SV2B: variants seen among roughly 807,000 people sequenced by gnomAD.
SV2B encodes the protein synaptic vesicle glycoprotein 2B, also known as solute carrier family 22 member B2.
SV2B carries 41 observed loss-of-function variants against 73.9 expected under a neutral mutation model. The observed-to-expected ratio is 0.56, with a 90% confidence interval of 0.43 to 0.72. The LOEUF is 0.72. Ranked by LOEUF, SV2B falls within the 30% of genes least tolerant of loss-of-function variation. The pLI is 0.00. For missense variants in SV2B, 764 were observed against 857.8 expected (o/e 0.89, Z 1.37); for synonymous variants, 314 against 314.2 (o/e 1.00, Z 0.01).
chr15:91,277,787 A>C (rs1053893671), intron 9 of SV2B, among the ~76,000 whole-genome samples: 5 of 152,206 alleles, frequency 3.3e-5, no homozygotes, highest in African/African-American at 9.7e-5. Flanking sequence ...CTATATTTAT[A>C]TATGAATTTG....
At chr15:91,165,723 A>G (rs1474503222) in intron 1 of SV2B, among the ~76,000 whole-genome samples, 1 of 152,248 alleles carries the variant, frequency 6.6e-6, no homozygotes, top group Non-Finnish European at 1.5e-5. Flanking sequence ...TCTTCTGCTT[A>G]TAGCCCAAGT....
rs1425860644 is a variant in SV2B at position 91,290,760 on chromosome 15, C to T, written c.1868+1080C>T. Among the ~76,000 whole-genome samples the T allele has an allele frequency of 6.6e-6, 1 of 152,080 alleles. No individual in the cohort carries two copies. Among genetic ancestry groups the T allele is most frequent in the Non-Finnish European group, 1.5e-5 (1 of 68,020 alleles). On this transcript the variant is annotated intron_variant, in intron 12 of 12. Transcript: ENST00000394232. This position sits in a 1 kb window ranked among gnomAD's most constrained non-coding sequence, Gnocchi z 4.7. Reference sequence around the variant, plus strand: ...AAGAGAAGATAAATATATGCCAACTCAGTGATTTGGGAGGCCGAGGCAAAA... The same window carrying T: ...AAGAGAAGATAAATATATGCCAACTTAGTGATTTGGGAGGCCGAGGCAAAA...
chr15:91,219,518 G>A (rs1379986858), intron 1 of SV2B, among the ~76,000 whole-genome samples: 1 of 152,096 alleles, frequency 6.6e-6, no homozygotes, highest in African/African-American at 2.4e-5. Context: ...TATATTCCAT[G>A]GATGTTAATG....
rs866763941 is a variant in SV2B, at chr15:91,176,019, C to G, written c.-391-49854C>G. Among the ~76,000 whole-genome samples, 15 of 151,974 alleles carry G rather than the reference C, an allele frequency of 9.9e-5. 1 individual carries two copies. The South Asian group carries it at 2.5e-3, about 25-fold the overall frequency. ...TTGTCATTTAGCATTAGGTATATCT[C>G]CTAATGCTATCCCTCCCCCTTCCCC... On this transcript the variant is annotated intron_variant, in intron 1 of 12. Coordinates refer to ENST00000394232, the MANE Select transcript of SV2B (RefSeq NM_001323032.3).
At chr15:91,202,242 C>T (rs2045486225) in intron 1 of SV2B, among the ~76,000 whole-genome samples, 2 of 152,176 alleles carry the variant, frequency 1.3e-5, no homozygotes, top group Non-Finnish European at 2.9e-5. Flanking sequence ...ATTTCCTGCC[C>T]TCTCTCCACT....
chr15:91,122,145 T>C lies in SV2B; in HGVS notation c.-392+21782T>C, dbSNP rs1335594956. Among the ~76,000 whole-genome samples, 1 of 152,212 alleles carries C rather than the reference T, an allele frequency of 6.6e-6. No homozygotes were observed. Among genetic ancestry groups the C allele is most frequent in the Non-Finnish European group, 1.5e-5 (1 of 68,040 alleles). Reference sequence around the variant, plus strand: ...GACGCCAAAGACTGAACTCCCAATATGTGCTAAACCATCTCCTCTTTGGAC... The same window carrying C: ...GACGCCAAAGACTGAACTCCCAATACGTGCTAAACCATCTCCTCTTTGGAC... On this transcript the variant is annotated intron_variant, in intron 1 of 12. Coordinates refer to ENST00000394232, the MANE Select transcript of SV2B (RefSeq NM_001323032.3). This position sits in a 1 kb window ranked among gnomAD's most constrained non-coding sequence, Gnocchi z 4.3.
Position 91,289,605 on chromosome 15 carries a change from T to C in SV2B, c.1793T>C (p.Leu598Pro), listed in dbSNP as rs1162182421. The stretch of plus-strand genomic sequence containing the variant: ...TCTGCAATGATCGGCTGGCAGTGCC[T>C]GTTCTGTGGGACAAGCATTGCAGCC... ...SESAMIGWQC[L>P]FCGTSIAAWN... The change falls in exon 12 of 13, where the codon CTG becomes CCG. Residue 598 changes from leucine (L) to proline (P), a missense_variant. By Grantham distance (98) the Leu-to-Pro change is moderately conservative. Transcript: ENST00000394232. The surrounding 1 kb of genome is among the most constrained non-coding windows in gnomAD (Gnocchi z 4.9). The C allele has an allele frequency of 6.2e-7, 1 of 1,614,234 alleles. No individual in the cohort carries two copies. Among genetic ancestry groups the C allele is most frequent in the Admixed American group, 1.7e-5 (1 of 60,032 alleles).
At chr15:91,112,504 C>T (rs1370451818) in intron 1 of SV2B, among the ~76,000 whole-genome samples, 1 of 152,154 alleles carries the variant, frequency 6.6e-6, no homozygotes, top group East Asian at 1.9e-4. Flanking sequence ...GCATGGAAAG[C>T]ATTTAAGAAA....
chr15:91,180,784 A>T (rs541745079), intron 1 of SV2B, among the ~76,000 whole-genome samples: 1 of 152,232 alleles, frequency 6.6e-6, no homozygotes, highest in African/African-American at 2.4e-5. Flanking sequence ...GATTCTAGTT[A>T]TACATTCATC....
chr15:91,162,478 T>C (rs1418097276), intron 1 of SV2B, among the ~76,000 whole-genome samples: 1 of 152,192 alleles, frequency 6.6e-6, no homozygotes, highest in Non-Finnish European at 1.5e-5. Flanking sequence ...TATTAGCTTT[T>C]TATTCTTGTG....
chr15:91,172,006 A>G (rs1284394720), intron 1 of SV2B, among the ~76,000 whole-genome samples: 1 of 152,214 alleles, frequency 6.6e-6, no homozygotes, highest in Non-Finnish European at 1.5e-5. Flanking sequence ...GGTGATAGAA[A>G]TGTTGATTAT....
At chr15:91,102,631 T>C (rs906975053) in intron 1 of SV2B, among the ~76,000 whole-genome samples, 2 of 152,202 alleles carry the variant, frequency 1.3e-5, no homozygotes, top group Non-Finnish European at 1.5e-5. Flanking sequence ...TGTGTGTGTG[T>C]GTAAGATGAT....
intron 6 of SV2B, among the ~76,000 whole-genome samples, chr15:91,264,354 C>T (rs2048029025): frequency 6.6e-6 from 1 of 152,248 alleles, no homozygotes; most frequent in African/African-American, 2.4e-5. Flanking sequence ...ATTCATCAGT[C>T]AGGTAGCTCA....
At chr15:91,127,502 A>G (rs2042521239) in intron 1 of SV2B, among the ~76,000 whole-genome samples, 1 of 152,110 alleles carries the variant, frequency 6.6e-6, no homozygotes, top group Non-Finnish European at 1.5e-5. Flanking sequence ...ATCCCTCAGC[A>G]GGAAGGCTCA....
intron 2 of SV2B, among the ~76,000 whole-genome samples, chr15:91,228,650 G>A (rs978352443): frequency 1.3e-5 from 2 of 152,216 alleles, no homozygotes. Flanking sequence ...TAGGGCAAAT[G>A]CTGGGAGTTG....
Position 91,258,303 on chromosome 15 carries a change from C to T in SV2B, c.785-118C>T. On this transcript the variant is annotated intron_variant, in intron 4 of 12. Transcript: ENST00000394232. This position sits in a 1 kb window ranked among gnomAD's most constrained non-coding sequence, Gnocchi z 4.7. ...ACAGCTGAGGAGTCTGCATTTTAAC[C>T]ACCTCCCCGGGTGACTCTCTTGTGC... 2.8e-6 allele frequency: 4 copies of T among 1,424,752 alleles called. No individual in the cohort carries two copies. Among genetic ancestry groups the T allele is most frequent in the South Asian group, 1.5e-5 (1 of 65,322 alleles). The allele number at this position is 1,424,752 out of a possible 1,614,324, so 88.3% of individuals were successfully genotyped here. A position where few individuals can be genotyped will look rare whatever the true frequency, so the allele number is the denominator to read the frequency against.
chr15:91,165,104 AGGTG>A (rs1238128601), intron 1 of SV2B, among the ~76,000 whole-genome samples: 1 of 151,976 alleles, frequency 6.6e-6, no homozygotes, highest in Non-Finnish European at 1.5e-5. Context: ...TGGGAGAGAG[AGGTG>A]GGTGGATCAC....
At chr15:91,233,784 T>C (rs2046674002) in intron 2 of SV2B, among the ~76,000 whole-genome samples, 1 of 152,164 alleles carries the variant, frequency 6.6e-6, no homozygotes, top group Non-Finnish European at 1.5e-5. Context: ...CTGATTCTCA[T>C]CAGGACCCAA....
At chr15:91,266,485 G>A in intron 6 of SV2B, 97 bp from the exon 7 acceptor site, 1 of 951,360 alleles carries the variant, frequency 1.1e-6, no homozygotes, top group Non-Finnish European at 1.6e-6. Flanking sequence ...GACTCCTCTA[G>A]TCCTAAATCA....
Sources: gnomAD v4.1 joint callset for allele counts (sites outside exome capture counted in the v4.1 genomes callset) on GRCh38, gnomAD v4.1.1 for gene constraint, Gnocchi (gnomAD v3.1) non-coding constraint, MANE v1.5 for transcripts, NCBI Gene and HGNC (gene_info 2026-07-23, HGNC 2026-07-21) for gene names.